The following SLC6A13 variants were observed in gnomAD, a reference collection of about 807,000 sequenced individuals.
SLC6A13 encodes solute carrier family 6 member 13.
In SLC6A13, 69 loss-of-function variants were observed where a neutral mutation model predicts 72.9. The ratio of observed to expected loss-of-function variants is 0.95; its 90% CI spans 0.78 to 1.16. The LOEUF (loss-of-function observed/expected upper bound fraction) is 1.16. SLC6A13 is among the 50% of genes most tolerant of loss of function. The pLI, the probability that SLC6A13 is intolerant of heterozygous loss-of-function variation, is 0.00. For synonymous variants in SLC6A13, 303 were observed against 303.0 expected, an observed-to-expected ratio of 1.00 and a Z score of 0.00; for missense variants, 735 against 760.5, an observed-to-expected ratio of 0.97 and a Z score of 0.39.
intron 3 of SLC6A13, 46 bp from the exon 4 acceptor site, chr12:242,800 G>T (rs1460340821): frequency 1.3e-6 from 2 of 1,544,238 alleles, no homozygotes; most frequent in African/African-American, 2.7e-5. Context: ...GGACAGCGGT[G>T]GCGTGCACCT....
intron 7 of SLC6A13, among the ~76,000 whole-genome samples, chr12:231,125 C>T (rs956717263): frequency 2.0e-5 from 3 of 152,150 alleles, no homozygotes; most frequent in African/African-American, 7.2e-5. Context: ...GGGCCAGGAC[C>T]CGGGAAAGAA....
rs765705991 is a variant in SLC6A13, at chr12:259,917, C to A, written c.136G>T (p.Ala46Ser). The change falls in exon 2 of 15, where the codon GCT (alanine) becomes TCT (serine). Residue 46 changes from alanine to serine, a missense_variant. Ala to Ser is a moderately conservative substitution (Grantham distance 99). Transcript: ENST00000343164. Reference sequence around the variant, plus strand: ...TTGCCTAAGCCAATGATCTCCCCAGCCACTGACAGCACAAACTCCATCTTG... The same window carrying A: ...TTGCCTAAGCCAATGATCTCCCCAGACACTGACAGCACAAACTCCATCTTG... ...NNKMEFVLSVAGEIIGLGNVW... is the reference protein window; with the variant it reads ...NNKMEFVLSVSGEIIGLGNVW... 4.3e-6 allele frequency: 7 copies of A among 1,614,188 alleles called. No homozygotes were observed. The South Asian group carries it at 7.7e-5, about 18-fold the overall frequency.
intron 7 of SLC6A13, among the ~76,000 whole-genome samples, chr12:228,005 T>G (rs1029223571): frequency 2.6e-5 from 4 of 152,144 alleles, no homozygotes; most frequent in African/African-American, 9.7e-5. Flanking sequence ...GATCCTAGGT[T>G]CTGCCCCCAC....
rs770134127 is a variant in SLC6A13 at position 221,418 on chromosome 12, C to G, written c.1644G>C (p.Trp548Cys). The G allele has an allele frequency of 3.7e-6, 6 of 1,612,778 alleles. No homozygotes were observed. The highest frequency in any genetic ancestry group is 5.1e-6 in the Non-Finnish European group (6 of 1,179,454). Residue 548 changes from tryptophan to cysteine, a missense_variant, in exon 14 of 15, where the codon TGG (tryptophan) becomes TGC (cysteine). Physicochemically the swap from Trp to Cys is radical, Grantham distance 215. Transcript: ENST00000343164. ...ALSSMVCIPA[W>C]SLYRLGTLKG... ...TGAGGGTTCCGAGTCTGTAGAGGCT[C>G]CAGGCAGGAATGCAGACCATGGAGG...
At chr12:248,403 GAAAAA>G (rs35297718) in intron 2 of SLC6A13, among the ~76,000 whole-genome samples, 2 of 100,452 alleles carry the variant, frequency 2.0e-5, no homozygotes, top group Non-Finnish European at 2.0e-5. Flanking sequence ...CTCCGTCTCG[GAAAAA>G]AAAAAAAAAA....
chr12:235,638 T>C (rs1199049113), intron 6 of SLC6A13, among the ~76,000 whole-genome samples: 2 of 151,864 alleles, frequency 1.3e-5, no homozygotes, highest in African/African-American at 4.8e-5. Flanking sequence ...ATGAAATCAG[T>C]GCACCTTGAA....
chr12:232,207 CTTT>C (rs1205234139), intron 7 of SLC6A13, among the ~76,000 whole-genome samples: 3 of 152,178 alleles, frequency 2.0e-5, no homozygotes, highest in Admixed American at 6.5e-5. Context: ...ACCCTCTGTC[CTTT>C]TTCTCTGCCA....
chr12:241,440 C>T (rs55876072), intron 4 of SLC6A13, among the ~76,000 whole-genome samples: 32,685 of 152,166 alleles, frequency 0.21, 3,681 homozygotes, highest in Middle Eastern at 0.3. Flanking sequence ...CCAAGCAGAA[C>T]AGCGTCCACC....
Position 226,421 on chromosome 12 carries a change from C to A in SLC6A13, c.1029G>T (p.Gln343His). ...CGGCCACCTCAGAAATGGGCACCCC[C>A]TGCTCCTGAGACATGAAGCCCAGGA... ...FSILGFMSQEQGVPISEVAES... is the reference protein window; with the variant it reads ...FSILGFMSQEHGVPISEVAES... Residue 343 changes from glutamine to histidine, a missense_variant, in exon 9 of 15, where the codon CAG becomes CAT. Physicochemically the swap from Gln to His is conservative, Grantham distance 24. Transcript: ENST00000343164. The A allele has an allele frequency of 6.2e-7, 1 of 1,614,108 alleles. No individual in the cohort carries two copies. The highest frequency in any genetic ancestry group is 1.1e-5 in the South Asian group (1 of 91,084).
Position 227,546 on chromosome 12 carries a change from G to T in SLC6A13, c.935+19C>A, listed in dbSNP as rs41276700. ...AGAGAGATGCAGGTGTGTGGCTCAG[G>T]CCCCACGCCCCCAATCACCTGTAGC... On this transcript the variant is annotated intron_variant, in intron 8 of 14. Transcript: ENST00000343164. 42,209 of 1,613,302 alleles carry T rather than the reference G, an allele frequency of 0.026. 701 individuals are homozygous for T. The highest frequency in any genetic ancestry group is 0.047 in the South Asian group (4,253 of 91,022).
At position 235,219 on chromosome 12, in the gene SLC6A13, C is replaced by A; in HGVS notation, c.702G>T (p.Val234=). Residue 234 remains valine, a synonymous_variant, in exon 7 of 15, where the codon GTG becomes GTT. Coordinates refer to ENST00000343164, the MANE Select transcript of SLC6A13 (RefSeq NM_016615.5). ...WKGVKSTGKV[V]YFTATFPYLM... is the part of the protein sequence containing the mutation. ...GGTAAGGAAATGTGGCCGTGAAGTA[C>A]ACCACCTGGTCATGGGCAAATGAGA... 14 of 1,614,200 alleles carry A rather than the reference C, an allele frequency of 8.7e-6. No homozygotes were observed. Among genetic ancestry groups the A allele is most frequent in the Non-Finnish European group, 1.2e-5 (14 of 1,180,004 alleles).
Position 242,596 on chromosome 12 carries a change from C to T in SLC6A13, c.478+18G>A. 4 of 1,609,996 alleles carry T rather than the reference C, an allele frequency of 2.5e-6. No homozygotes were observed. Among genetic ancestry groups the T allele is most frequent in the Non-Finnish European group, 3.4e-6 (4 of 1,177,388 alleles). ...GCAGAACGAGAGGAGGAAGTGGACC[C>T]TTGGGTGAGGACCATACCTGTGTTC... On this transcript the variant is annotated intron_variant, in intron 4 of 14. Transcript: ENST00000343164.
chr12:251,226 T>C (rs556565200), intron 2 of SLC6A13, among the ~76,000 whole-genome samples: 28 of 151,930 alleles, frequency 1.8e-4, no homozygotes, highest in Non-Finnish European at 3.8e-4. Flanking sequence ...GGTATTTATA[T>C]TATCCTCAAG....
intron 12 of SLC6A13, 54 bp from the exon 13 acceptor site, chr12:222,686 G>T: frequency 1.7e-6 from 2 of 1,156,256 alleles, no homozygotes; most frequent in Non-Finnish European, 1.3e-6. Flanking sequence ...TTGGCACCCA[G>T]GACATCAGGA....
chr12:257,904 T>C (rs1038185027), intron 2 of SLC6A13, among the ~76,000 whole-genome samples: 1 of 152,126 alleles, frequency 6.6e-6, no homozygotes, highest in Non-Finnish European at 1.5e-5. Context: ...CAGAGAGGCT[T>C]GGGGAAAGCT....
At chr12:251,503 C>A (rs1460494583) in intron 2 of SLC6A13, among the ~76,000 whole-genome samples, 1 of 152,116 alleles carries the variant, frequency 6.6e-6, no homozygotes, top group African/African-American at 2.4e-5. Flanking sequence ...AATGTCAAAC[C>A]TAAAACTATA....
intron 7 of SLC6A13, 64 bp from the exon 8 acceptor site, chr12:227,732 G>A (rs920673119): frequency 2.9e-5 from 40 of 1,397,114 alleles, no homozygotes; most frequent in South Asian, 4.0e-5. Flanking sequence ...AGCCATGGGC[G>A]GACACAGGCA....
At position 224,523 on chromosome 12, in the gene SLC6A13, G is replaced by A. The variant is rs747733071; in HGVS notation, c.1061-10C>T. ...AAAGCCAGGCCAGGGCCTACGACAAGGAGCAGAGGAACACGGGCCAGTGCC... is the reference window on the plus strand; with the variant it reads ...AAAGCCAGGCCAGGGCCTACGACAAAGAGCAGAGGAACACGGGCCAGTGCC... On this transcript the variant is annotated splice_polypyrimidine_tract_variant and intron_variant, in intron 9 of 14. Transcript: ENST00000343164. 1.9e-6 allele frequency: 3 copies of A among 1,611,650 alleles called. No individual in the cohort carries two copies. The highest frequency in any genetic ancestry group is 1.1e-5 in the South Asian group (1 of 91,030).
At position 223,127 on chromosome 12, in the gene SLC6A13, C is replaced by G. The variant is rs962574928; in HGVS notation, c.1414+5G>C. The G allele has an allele frequency of 1.9e-6, 3 of 1,593,526 alleles. No homozygotes were observed. Among genetic ancestry groups the G allele is most frequent in the Admixed American group, 3.3e-5 (2 of 59,800 alleles). On this transcript the variant is annotated splice_donor_5th_base_variant and intron_variant, in intron 12 of 14. Transcript: ENST00000343164. ...ATGCTGGGACCTAGGGGAGGAGTCA[C>G]TCACCGTAAACCCAAGCCACACAGA... is the stretch of plus-strand genomic sequence containing the variant.
Sources: gnomAD v4.1 joint callset for allele counts (sites outside exome capture counted in the v4.1 genomes callset) on GRCh38, gnomAD v4.1.1 for gene constraint, MANE v1.5 for transcripts, NCBI Gene and HGNC (gene_info 2026-07-23, HGNC 2026-07-21) for gene names.